The following UBE2E2 variants were observed in gnomAD, a reference collection of about 807,000 sequenced individuals.
UBE2E2 encodes the protein ubiquitin-conjugating enzyme E2 E2.
Under a neutral mutation model 24.7 loss-of-function variants are expected in UBE2E2, and 6 were observed. The ratio of observed to expected loss-of-function variants is 0.24; its 90% CI spans 0.13 to 0.48. The LOEUF is 0.48. Among genes scored for constraint, UBE2E2 ranks in the 20% least tolerant of loss-of-function variants. The pLI is 0.99. For missense variants in UBE2E2, 169 were observed against 245.0 expected (o/e 0.69, Z 2.07); for synonymous variants, 104 against 83.6 (o/e 1.24, Z -1.33).
At chr3:23,204,538 A>G (rs936560641) in intron 1 of UBE2E2, 2 of 240,644 alleles carry the variant, frequency 8.3e-6, no homozygotes, top group African/African-American at 2.3e-5. Flanking sequence ...TAGATATGTG[A>G]TAATTCAGTC....
At chr3:23,279,577 A>G (rs888996856) in intron 3 of UBE2E2, among the ~76,000 whole-genome samples, 5 of 152,206 alleles carry the variant, frequency 3.3e-5, no homozygotes, top group South Asian at 2.1e-4. Flanking sequence ...CAAAAGGTGA[A>G]CTATAAGGGA....
At chr3:23,296,589 GAGA>G (rs1184319407) in intron 3 of UBE2E2, among the ~76,000 whole-genome samples, 1 of 152,094 alleles carries the variant, frequency 6.6e-6, no homozygotes, top group Admixed American at 6.5e-5. Flanking sequence ...ATAGTTTGCT[GAGA>G]ATTACGGTTT....
At chr3:23,203,554 G>A in intron 1 of UBE2E2, 90 bp downstream of exon 1, 1 of 806,116 alleles carries the variant, frequency 1.2e-6, no homozygotes. Context: ...TCCCCTCCGC[G>A]TCGCAGGTCT....
At chr3:23,370,454 A>C (rs1371079749) in intron 3 of UBE2E2, among the ~76,000 whole-genome samples, 1 of 152,216 alleles carries the variant, frequency 6.6e-6, no homozygotes, top group Non-Finnish European at 1.5e-5. Flanking sequence ...AGTAAACCCC[A>C]TTATAGAAGT....
intron 4 of UBE2E2, among the ~76,000 whole-genome samples, chr3:23,522,612 C>T (rs1184241526): frequency 6.6e-6 from 1 of 151,858 alleles, no homozygotes; most frequent in Non-Finnish European, 1.5e-5. Flanking sequence ...CCTCTATATG[C>T]ATGCCAAACA....
chr3:23,219,825 T>A lies in UBE2E2; in HGVS notation c.227+2513T>A, dbSNP rs182808902. On this transcript the variant is annotated intron_variant, in intron 3 of 5. Coordinates refer to ENST00000396703, the MANE Select transcript of UBE2E2 (RefSeq NM_152653.4). ...GGAACATCTGTGGGTTTTACCTGTT[T>A]AGTCAGAGAGTGGAGAACGATTTTT... 2.6e-4 allele frequency among the ~76,000 whole-genome samples: 40 copies of A among 152,314 alleles called. 1 individual carries two copies. The East Asian group carries it at 7.3e-3, about 28-fold the overall frequency.
At chr3:23,218,301 T>TA (rs1696534947) in intron 3 of UBE2E2, among the ~76,000 whole-genome samples, 1 of 152,164 alleles carries the variant, frequency 6.6e-6, no homozygotes, top group African/African-American at 2.4e-5. Context: ...TTTATAAACT[T>TA]ACAGTAATAA....
intron 3 of UBE2E2, among the ~76,000 whole-genome samples, chr3:23,348,273 G>C (rs1420396317): frequency 1.3e-5 from 2 of 151,282 alleles, no homozygotes; most frequent in East Asian, 3.9e-4. Context: ...CATGGCCACT[G>C]GTGGAATTCT....
intron 3 of UBE2E2, among the ~76,000 whole-genome samples, chr3:23,328,008 G>A (rs1328787028): frequency 6.6e-6 from 1 of 152,106 alleles, no homozygotes; most frequent in African/African-American, 2.4e-5. Context: ...ATTATATGCA[G>A]TATACAATAA....
intron 3 of UBE2E2, among the ~76,000 whole-genome samples, chr3:23,328,195 C>A (rs1309470482): frequency 6.6e-6 from 1 of 152,070 alleles, no homozygotes; most frequent in Non-Finnish European, 1.5e-5. Context: ...TCTTGACAAG[C>A]AAATTTCCTA....
intron 1 of UBE2E2, chr3:23,204,599 C>T: frequency 2.5e-6 from 2 of 808,458 alleles, no homozygotes; most frequent in Non-Finnish European, 3.0e-6. Flanking sequence ...TTTGGATGCT[C>T]CTTGGCTCTT....
intron 2 of UBE2E2, among the ~76,000 whole-genome samples, chr3:23,215,033 C>T (rs575868914): frequency 4.6e-5 from 7 of 152,034 alleles, no homozygotes; most frequent in African/African-American, 1.7e-4. Context: ...TCCTTCCTCC[C>T]AGTTAATGAT....
At chr3:23,481,589 T>G (rs1699261302) in intron 3 of UBE2E2, among the ~76,000 whole-genome samples, 1 of 152,242 alleles carries the variant, frequency 6.6e-6, no homozygotes, top group Non-Finnish European at 1.5e-5. Flanking sequence ...GAGAAGGTGT[T>G]TTTAATTATT....
At chr3:23,378,464 G>A (rs758278496) in intron 3 of UBE2E2, among the ~76,000 whole-genome samples, 20 of 152,134 alleles carry the variant, frequency 1.3e-4, no homozygotes, top group Non-Finnish European at 2.5e-4. Flanking sequence ...CTGTAATAGC[G>A]TGTATGCTAT....
intron 3 of UBE2E2, among the ~76,000 whole-genome samples, chr3:23,331,765 C>T (rs554430438): frequency 2.6e-5 from 4 of 151,980 alleles, no homozygotes; most frequent in East Asian, 1.9e-4. Context: ...TGATGAATCC[C>T]GTAGGATATG....
At chr3:23,512,141 A>T (rs990020731) in intron 4 of UBE2E2, among the ~76,000 whole-genome samples, 47 of 151,482 alleles carry the variant, frequency 3.1e-4, no homozygotes, top group African/African-American at 1.1e-3. Context: ...TGATCTTGGT[A>T]AGTGCACAGT....
Position 23,532,535 on chromosome 3 carries a change from A to G in UBE2E2, c.361-19A>G. The G allele has an allele frequency of 6.7e-7, 1 of 1,498,542 alleles. No homozygotes were observed. The highest frequency in any genetic ancestry group is 1.4e-5 in the South Asian group (1 of 70,434). The allele number at this position is 1,498,542 out of a possible 1,614,324, so 92.8% of individuals were successfully genotyped here. On this transcript the variant is annotated intron_variant, in intron 4 of 5. Transcript: ENST00000396703. ...TAAACACTTTGTCTAACAAAATATA[A>G]CTTTACATTTTCTTGTAGGTTACCT...
chr3:23,544,762 G>C (rs1344465775), intron 5 of UBE2E2, among the ~76,000 whole-genome samples: 1 of 143,348 alleles, frequency 7.0e-6, no homozygotes. Context: ...TATAGAGAAA[G>C]AAATAAGGGG....
chr3:23,321,261 T>G (rs772208022), intron 3 of UBE2E2, among the ~76,000 whole-genome samples: 2 of 152,208 alleles, frequency 1.3e-5, no homozygotes, highest in African/African-American at 2.4e-5. Context: ...GACTTCAACT[T>G]TTTTGGGAGG....
Sources: gnomAD v4.1 joint callset for allele counts (sites outside exome capture counted in the v4.1 genomes callset) on GRCh38, gnomAD v4.1.1 for gene constraint, MANE v1.5 for transcripts, NCBI Gene and HGNC (gene_info 2026-07-23, HGNC 2026-07-21) for gene names.